Variants in RABEP1 observed in about 807,000 individuals in gnomAD.
RABEP1 encodes the protein rabaptin, RAB GTPase binding effector protein 1.
Under a neutral mutation model 123.4 loss-of-function variants are expected in RABEP1, and 51 were observed. The observed-to-expected ratio is 0.41, with a 90% CI of 0.33 to 0.52. The LOEUF (loss-of-function observed/expected upper bound fraction) is 0.52. Among genes scored for constraint, RABEP1 ranks in the 20% least tolerant of loss-of-function variants. The pLI is 0.16. For synonymous variants in RABEP1, 347 were observed against 355.2 expected, an observed-to-expected ratio of 0.98 and a Z score of 0.26; for missense variants, 888 against 996.3, an observed-to-expected ratio of 0.89 and a Z score of 1.46.
Position 5,335,269 on chromosome 17 carries a change from G to C in RABEP1, c.453G>C (p.Glu151Asp). 1 of 1,614,032 alleles carries C rather than the reference G, an allele frequency of 6.2e-7. No homozygotes were observed. The highest frequency in any genetic ancestry group is 2.2e-5 in the East Asian group (1 of 44,876). Residue 151 changes from glutamate to aspartate, a missense_variant, in exon 4 of 18, where the codon GAG becomes GAC. Transcript: ENST00000537505. ...GGGCACAGTATAGAGAATCCGCAGA[G>C]AGGGAAATAGCTGATTTAAGAAGAA... ...TQWAQYRESA[E>D]REIADLRRRL...
chr17:5,307,933 G>C (rs1328886586), intron 1 of RABEP1, among the ~76,000 whole-genome samples: 1 of 152,100 alleles, frequency 6.6e-6, no homozygotes, highest in East Asian at 1.9e-4. Flanking sequence ...TTTGAAGTTG[G>C]AAGAATAGTT....
At position 5,346,941 on chromosome 17, in the gene RABEP1, AT is replaced by A. The variant is rs1044986807; in HGVS notation, c.784+21del. The A allele has an allele frequency of 1.3e-6, 2 of 1,547,414 alleles. No individual in the cohort carries two copies. The highest frequency in any genetic ancestry group is 1.4e-5 in the African/African-American group (1 of 72,648). On this transcript the variant is annotated intron_variant, in intron 6 of 17. Coordinates refer to ENST00000537505, the MANE Select transcript of RABEP1 (RefSeq NM_004703.6). ...TTGCATGAAGGTAAATATACTGTAT[AT>A]TTTTATCTTTGTCTCTAAGAACCAT...
At chr17:5,371,890 A>G (rs1361875748) in intron 12 of RABEP1, among the ~76,000 whole-genome samples, 1 of 151,918 alleles carries the variant, frequency 6.6e-6, no homozygotes, top group Non-Finnish European at 1.5e-5. Flanking sequence ...TTATCTCTGT[A>G]TTTCCTGTGG....
At position 5,336,195 on chromosome 17, in the gene RABEP1, A is replaced by G. The variant is rs548385961; in HGVS notation, c.528+851A>G. On this transcript the variant is annotated intron_variant, in intron 4 of 17. Transcript: ENST00000537505. ...TTGATTTTTCTTTTCAATTGAATTG[A>G]TCATGCCTTTTTGGTTCCTAATTCT... is the stretch of plus-strand genomic sequence containing the variant. Among the ~76,000 whole-genome samples, 5 of 152,294 alleles carry G rather than the reference A, an allele frequency of 3.3e-5. No homozygotes were observed. The East Asian group carries it at 7.7e-4, about 23-fold the overall frequency.
chr17:5,361,368 C>G lies in RABEP1; in HGVS notation c.1256C>G (p.Ser419Cys). 1 of 1,614,128 alleles carries G rather than the reference C, an allele frequency of 6.2e-7. No homozygotes were observed. Among genetic ancestry groups the G allele is most frequent in the Non-Finnish European group, 8.5e-7 (1 of 1,180,028 alleles). ...DSLGTSGSLQ[S>C]KALGYNYKAK... Reference sequence around the variant, plus strand: ...TTGGGAACCTCGGGCTCATTGCAATCCAAAGCTTTAGGCTATAACTACAAA... The same window carrying G: ...TTGGGAACCTCGGGCTCATTGCAATGCAAAGCTTTAGGCTATAACTACAAA... The change falls in exon 9 of 18, where the codon TCC (serine) becomes TGC (cysteine). Residue 419 changes from serine (S) to cysteine (C), a missense_variant. Physicochemically the swap from Ser to Cys is moderately radical, Grantham distance 112. Coordinates refer to ENST00000537505, the MANE Select transcript of RABEP1 (RefSeq NM_004703.6).
chr17:5,297,362 A>G (rs568381759), intron 1 of RABEP1, among the ~76,000 whole-genome samples: 6 of 152,224 alleles, frequency 3.9e-5, no homozygotes, highest in Non-Finnish European at 8.8e-5. Context: ...ACAGATTTCA[A>G]CGTATAAATG....
At chr17:5,327,658 T>C (rs1906113815) in intron 2 of RABEP1, among the ~76,000 whole-genome samples, 1 of 152,210 alleles carries the variant, frequency 6.6e-6, no homozygotes, top group African/African-American at 2.4e-5. Flanking sequence ...ACATGAATTT[T>C]ATAATAATTT....
At position 5,329,019 on chromosome 17, in the gene RABEP1, CTTTTTTTTTT is replaced by C. The variant is rs760060600; in HGVS notation, c.164-2919_164-2910del. ...TAATTTAAACAAATATTCAGAAAGA[CTTTTTTTTTT>C]TTTTTTTTTTGTCAATTGGAGAAGT... On this transcript the variant is annotated intron_variant, in intron 2 of 17. Transcript: ENST00000537505. Among the ~76,000 whole-genome samples, 7 of 110,658 alleles carry C rather than the reference CTTTTTTTTTT, an allele frequency of 6.3e-5. No individual in the cohort carries two copies. In the South Asian group the frequency reaches 1.2e-3, roughly 19 times the overall value. The allele number at this position is 110,658 out of a possible 152,430, so 72.6% of individuals were successfully genotyped here. A position where few individuals can be genotyped will look rare whatever the true frequency, so the allele number is the denominator to read the frequency against.
At chr17:5,377,069 T>C (rs1307249021) in intron 13 of RABEP1, 47 bp from the exon 14 acceptor site, 1 of 1,519,216 alleles carries the variant, frequency 6.6e-7, no homozygotes. Flanking sequence ...CTTCTTTATT[T>C]CCTTTCACTC....
Position 5,282,410 on chromosome 17 carries a change from T to C in RABEP1, c.-77T>C. On this transcript the variant is annotated 5_prime_UTR_variant, in exon 1 of 18. Transcript: ENST00000537505. ...CGGCGGCGGCTCGGTTGACGCCTCCTCCGCCAGCTGAGCCCGCGGGAGCCC... is the reference window on the plus strand; with the variant it reads ...CGGCGGCGGCTCGGTTGACGCCTCCCCCGCCAGCTGAGCCCGCGGGAGCCC... 1 of 1,180,736 alleles carries C rather than the reference T, an allele frequency of 8.5e-7. No homozygotes were observed. Among genetic ancestry groups the C allele is most frequent in the Admixed American group, 3.2e-5 (1 of 31,480 alleles). The allele number at this position is 1,180,736 out of a possible 1,614,324, so 73.1% of individuals were successfully genotyped here.
chr17:5,324,297 A>G (rs142172064), intron 2 of RABEP1, among the ~76,000 whole-genome samples: 664 of 152,248 alleles, frequency 4.4e-3, no homozygotes, highest in Non-Finnish European at 8.1e-3. Flanking sequence ...TTTGCAGTCA[A>G]CTCATCTGCA....
At chr17:5,328,805 G>A (rs531515735) in intron 2 of RABEP1, among the ~76,000 whole-genome samples, 2 of 151,270 alleles carry the variant, frequency 1.3e-5, no homozygotes, top group African/African-American at 2.4e-5. Flanking sequence ...ACAAAAATTC[G>A]CCAGGCGCAG....
chr17:5,364,343 CAG>C (rs1597387086), intron 10 of RABEP1: 1 of 152,098 alleles, frequency 6.6e-6, no homozygotes, highest in Admixed American at 6.5e-5. Flanking sequence ...TGGCTGGGCA[CAG>C]GGGGTGACTG....
intron 7 of RABEP1, among the ~76,000 whole-genome samples, chr17:5,353,799 C>T (rs1194485749): frequency 6.6e-6 from 1 of 152,018 alleles, no homozygotes; most frequent in African/African-American, 2.4e-5. Context: ...GCCTGGGCAA[C>T]AATGTGAAAC....
chr17:5,309,893 A>G (rs2075219274), intron 2 of RABEP1, among the ~76,000 whole-genome samples: 1 of 152,222 alleles, frequency 6.6e-6, no homozygotes, highest in South Asian at 2.1e-4. Flanking sequence ...TTTGGGTCCC[A>G]CCCAGATTTA....
At chr17:5,352,331 T>C (rs1908627295) in intron 7 of RABEP1, among the ~76,000 whole-genome samples, 1 of 151,902 alleles carries the variant, frequency 6.6e-6, no homozygotes, top group Non-Finnish European at 1.5e-5. Context: ...TAGCTGGGAC[T>C]ACAGGCGTGT....
At chr17:5,314,264 A>G (rs1427396475) in intron 2 of RABEP1, among the ~76,000 whole-genome samples, 3 of 28,322 alleles carry the variant, frequency 1.1e-4, no homozygotes, top group African/African-American at 1.5e-4. Flanking sequence ...TTTTTTTGAG[A>G]TGGAGTTTTG....
chr17:5,369,860 C>G (rs1910387392), intron 12 of RABEP1, among the ~76,000 whole-genome samples: 2 of 152,086 alleles, frequency 1.3e-5, no homozygotes, highest in African/African-American at 4.8e-5. Context: ...ACCACCACAC[C>G]CGGCTAATTT....
rs530927370 is a variant in RABEP1, at chr17:5,300,529, G to A, written c.35-8165G>A. The stretch of plus-strand genomic sequence containing the variant: ...TCTCTTTCTTGGGGTGCAAGCGGGG[G>A]GACCTTTCTATACTGTACTCTTGAG... On this transcript the variant is annotated intron_variant, in intron 1 of 17. Coordinates refer to ENST00000537505, the MANE Select transcript of RABEP1 (RefSeq NM_004703.6). Among the ~76,000 whole-genome samples the A allele has an allele frequency of 7.2e-5, 11 of 152,102 alleles. No homozygotes were observed. In the South Asian group the frequency reaches 8.3e-4, roughly 12 times the overall value.
Sources: allele counts gnomAD v4.1 joint callset (sites outside exome capture counted in the v4.1 genomes callset), GRCh38; gene constraint gnomAD v4.1.1; transcripts MANE v1.5; gene names NCBI Gene and HGNC (gene_info 2026-07-23, HGNC 2026-07-21).